CUL3: variants seen among roughly 807,000 people sequenced by gnomAD.
CUL3 encodes cullin 3, also known as cullin-3.
A neutral mutation model predicts 89.1 loss-of-function variants in CUL3; 19 were observed. That is an observed-to-expected ratio of 0.21 (90% CI 0.15 to 0.31). The LOEUF is 0.31. Among genes scored for constraint, CUL3 ranks in the 10% least tolerant of loss-of-function variants. CUL3 has a pLI of 1.00. For missense variants in CUL3, 469 were observed against 942.3 expected, an observed-to-expected ratio of 0.50 and a Z score of 6.58; for synonymous variants, 351 against 308.4, an observed-to-expected ratio of 1.14 and a Z score of -1.45.
intron 2 of CUL3, among the ~76,000 whole-genome samples, chr2:224,549,700 A>T (rs1694437901): frequency 6.6e-6 from 1 of 152,218 alleles, no homozygotes; most frequent in Non-Finnish European, 1.5e-5. Context: ...CAACAAGCTT[A>T]AAAACTGTCA....
At chr2:224,529,433 C>T (rs537091048) in intron 3 of CUL3, among the ~76,000 whole-genome samples, 159 of 144,528 alleles carry the variant, frequency 1.1e-3, no homozygotes, top group Middle Eastern at 3.6e-3. Flanking sequence ...CTGGCTAACA[C>T]GGTGAAACCC....
At position 224,473,164 on chromosome 2, in the gene CUL3, C is replaced by T. The variant is rs530668812; in HGVS notation, c.*1081G>A. The T allele has an allele frequency of 1.5e-5, 3 of 200,192 alleles. No individual in the cohort carries two copies. Among genetic ancestry groups the T allele is most frequent in the Non-Finnish European group, 3.1e-5 (3 of 96,734 alleles). 12.4% of individuals were successfully genotyped at this position (200,192 alleles called of 1,614,324 possible). On this transcript the variant is annotated 3_prime_UTR_variant, in exon 16 of 16. Transcript: ENST00000264414. ...TATTGCTTAATCACTTTCCAAAACACAGCTGCAAGAATTGAAGATTTCATT... is the reference window on the plus strand; with the variant it reads ...TATTGCTTAATCACTTTCCAAAACATAGCTGCAAGAATTGAAGATTTCATT...
chr2:224,511,350 T>C lies in CUL3; in HGVS notation c.883+4A>G, dbSNP rs767325786. 2 of 1,580,214 alleles carry C rather than the reference T, an allele frequency of 1.3e-6. No homozygotes were observed. Among genetic ancestry groups the C allele is most frequent in the Non-Finnish European group, 1.7e-6 (2 of 1,154,882 alleles). On this transcript the variant is annotated splice_donor_region_variant and intron_variant, in intron 6 of 15. Coordinates refer to ENST00000264414, the MANE Select transcript of CUL3 (RefSeq NM_003590.5). ...TTAATTATTTTTCAATCGGTAACAC[T>C]TACCTTCTGTCTTTCCATTTTTCAA...
chr2:224,503,989 T>G (rs953358282), intron 8 of CUL3, 167 bp from the exon 9 acceptor site: 3 of 524,982 alleles, frequency 5.7e-6, no homozygotes, highest in Non-Finnish European at 9.9e-6. Context: ...CTTCACACAG[T>G]AGCATCATTC....
intron 1 of CUL3, among the ~76,000 whole-genome samples, chr2:224,565,564 CCA>C (rs1695023191): frequency 6.6e-6 from 1 of 152,170 alleles, no homozygotes; most frequent in South Asian, 2.1e-4. Flanking sequence ...GTTTCAGTGC[CCA>C]CATCATAAAA....
chr2:224,548,728 G>C (rs1694396927), intron 2 of CUL3, among the ~76,000 whole-genome samples: 1 of 152,150 alleles, frequency 6.6e-6, no homozygotes, highest in Admixed American at 6.5e-5. Flanking sequence ...TTGAGGCCAG[G>C]CACAATGGCT....
rs1691222595 is a variant in CUL3, at chr2:224,473,978, CAGTA to C, written c.*263_*266del. The stretch of plus-strand genomic sequence containing the variant: ...TCTCTTTTATTTTCCTGTTTTCATA[CAGTA>C]AAGAAAACAAAACGCAGCACATTCA... On this transcript the variant is annotated 3_prime_UTR_variant, in exon 16 of 16. Transcript: ENST00000264414. 3.4e-6 allele frequency: 1 copy of C among 290,194 alleles called. No homozygotes were observed. The highest frequency in any genetic ancestry group is 4.8e-5 in the Admixed American group (1 of 20,926). 18.0% of individuals were successfully genotyped at this position (290,194 alleles called of 1,614,324 possible).
chr2:224,545,680 T>C (rs752366469), intron 2 of CUL3, among the ~76,000 whole-genome samples: 1 of 152,166 alleles, frequency 6.6e-6, no homozygotes, highest in Non-Finnish European at 1.5e-5. Context: ...CTATGGGGGA[T>C]ACAAGACACT....
At chr2:224,584,709 G>C (rs994147295) in intron 1 of CUL3, among the ~76,000 whole-genome samples, 9 of 149,094 alleles carry the variant, frequency 6.0e-5, no homozygotes, top group Non-Finnish European at 1.2e-4. Flanking sequence ...AGCAGCTCCC[G>C]GACGGGGGCG....
intron 3 of CUL3, among the ~76,000 whole-genome samples, chr2:224,525,778 CTG>C (rs1406496257): frequency 6.6e-6 from 1 of 152,212 alleles, no homozygotes; most frequent in Non-Finnish European, 1.5e-5. Context: ...CCTAAAGAAA[CTG>C]TGATCAACTT....
At chr2:224,518,849 T>G (rs1263334710) in intron 3 of CUL3, among the ~76,000 whole-genome samples, 1 of 152,346 alleles carries the variant, frequency 6.6e-6, no homozygotes. Context: ...ATTTCCCCTG[T>G]CCCAACTTTA....
intron 13 of CUL3, among the ~76,000 whole-genome samples, chr2:224,489,304 G>C (rs1326375055): frequency 2.0e-5 from 3 of 152,188 alleles, no homozygotes; most frequent in Non-Finnish European, 4.4e-5. Context: ...CAGGAAGAGA[G>C]GAAGTCAAAT....
intron 12 of CUL3, among the ~76,000 whole-genome samples, chr2:224,497,520 A>G (rs1012984934): frequency 1.3e-5 from 2 of 152,072 alleles, no homozygotes; most frequent in African/African-American, 4.8e-5. Context: ...AATTATCCTA[A>G]TGTTTAGTCC....
At chr2:224,491,174 T>C (rs1235612178) in intron 13 of CUL3, among the ~76,000 whole-genome samples, 1 of 152,144 alleles carries the variant, frequency 6.6e-6, no homozygotes, top group Non-Finnish European at 1.5e-5. Flanking sequence ...AAAATATATA[T>C]ATTTTGGACA....
chr2:224,582,267 A>G (rs1031743790), intron 1 of CUL3, among the ~76,000 whole-genome samples: 21 of 152,110 alleles, frequency 1.4e-4, no homozygotes, highest in South Asian at 4.1e-4. Flanking sequence ...GCGCCCGGCC[A>G]TATTTTTTCT....
chr2:224,554,134 G>A (rs1406752473), intron 2 of CUL3, among the ~76,000 whole-genome samples: 1 of 151,924 alleles, frequency 6.6e-6, no homozygotes, highest in Non-Finnish European at 1.5e-5. Context: ...AACTACTGAT[G>A]TTTTTTTCTG....
intron 1 of CUL3, among the ~76,000 whole-genome samples, chr2:224,580,554 C>T (rs992958652): frequency 6.6e-6 from 1 of 152,160 alleles, no homozygotes; most frequent in Non-Finnish European, 1.5e-5. Flanking sequence ...CGTGGTGGCG[C>T]AAACCGGTAG....
At chr2:224,542,347 A>G (rs1694140532) in intron 2 of CUL3, among the ~76,000 whole-genome samples, 1 of 152,158 alleles carries the variant, frequency 6.6e-6, no homozygotes, top group South Asian at 2.1e-4. Context: ...TTTTTAAGAA[A>G]CAGGGTGTCA....
At chr2:224,474,671 T>C (rs953825874) in intron 15 of CUL3, among the ~76,000 whole-genome samples, 2 of 152,226 alleles carry the variant, frequency 1.3e-5, no homozygotes, top group African/African-American at 2.4e-5. Context: ...TTGATGCTGT[T>C]ATCTACTGAA....
Sources: allele counts gnomAD v4.1 joint callset (sites outside exome capture counted in the v4.1 genomes callset), GRCh38; gene constraint gnomAD v4.1.1; transcripts MANE v1.5; gene names NCBI Gene and HGNC (gene_info 2026-07-23, HGNC 2026-07-21).